The following DLGAP2 variants were observed in gnomAD, a reference collection of about 807,000 sequenced individuals.
The protein encoded by DLGAP2 is disks large-associated protein 2.
A neutral mutation model predicts 100.3 loss-of-function variants in DLGAP2; 26 were observed. The ratio of observed to expected loss-of-function variants is 0.26; its 90% CI spans 0.19 to 0.36. The LOEUF (loss-of-function observed/expected upper bound fraction) is 0.36. DLGAP2 is among the 10% of genes least tolerant of loss of function. The pLI, the probability that DLGAP2 is intolerant of heterozygous loss-of-function variation, is 1.00. For missense variants in DLGAP2, 1,858 were observed against 1,453.2 expected (o/e 1.28, Z -4.53); for synonymous variants, 886 against 630.1 (o/e 1.41, Z -6.08).
chr8:1,474,343 G>A (rs557503252), intron 3 of DLGAP2, among the ~76,000 whole-genome samples: 11 of 152,280 alleles, frequency 7.2e-5, no homozygotes, highest in South Asian at 4.1e-4. Context: ...CTATAAACAC[G>A]TGTGTGCAAG....
intron 7 of DLGAP2, among the ~76,000 whole-genome samples, chr8:1,627,564 T>TTTA (rs1434291563): frequency 6.6e-6 from 1 of 152,238 alleles, no homozygotes; most frequent in Non-Finnish European, 1.5e-5. Context: ...GAATCGAAAG[T>TTTA]TTATCATTTT....
intron 1 of DLGAP2, among the ~76,000 whole-genome samples, chr8:810,592 T>A (rs536539843): frequency 3.3e-5 from 5 of 152,380 alleles, no homozygotes; most frequent in African/African-American, 7.2e-5. Flanking sequence ...GCAATTTTTT[T>A]AACCATTGTT....
chr8:1,315,713 A>C (rs372645559), intron 3 of DLGAP2, among the ~76,000 whole-genome samples: 5 of 18,292 alleles, frequency 2.7e-4, no homozygotes, highest in African/African-American at 4.4e-4. Context: ...TAGAGCCTGT[A>C]CGAGTGCAGC....
Position 1,549,005 on chromosome 8 carries a change from G to A in DLGAP2, c.552G>A (p.Lys184=), listed in dbSNP as rs778907347. Residue 184 remains lysine, a synonymous_variant, in exon 5 of 15, where the codon AAG becomes AAA. Coordinates refer to ENST00000637795, the MANE Select transcript of DLGAP2 (RefSeq NM_001346810.2). ...GCGCTGTGGCCCACGCGGGCGCCAAGATCAACCGCATCCCGGCCAACCTGC... is the reference window on the plus strand; with the variant it reads ...GCGCTGTGGCCCACGCGGGCGCCAAAATCAACCGCATCCCGGCCAACCTGC... The part of the protein sequence containing the change: ...DDCAVAHAGA[K]INRIPANLLD... 6.3e-7 allele frequency: 1 copy of A among 1,598,988 alleles called. No homozygotes were observed. The highest frequency in any genetic ancestry group is 8.5e-7 in the Non-Finnish European group (1 of 1,178,660).
chr8:999,558 A>T (rs1317875131), intron 2 of DLGAP2, among the ~76,000 whole-genome samples: 1 of 150,938 alleles, frequency 6.6e-6, no homozygotes, highest in African/African-American at 2.4e-5. Flanking sequence ...GGCTCACTGC[A>T]AACTCCACCT....
At chr8:1,083,119 G>A (rs534068382) in intron 2 of DLGAP2, among the ~76,000 whole-genome samples, 1 of 152,286 alleles carries the variant, frequency 6.6e-6, no homozygotes, top group Admixed American at 6.5e-5. Flanking sequence ...GTGTGAGAGA[G>A]GAGTATTTTT....
At chr8:778,718 A>G (rs982856417) in intron 1 of DLGAP2, among the ~76,000 whole-genome samples, 46 of 152,200 alleles carry the variant, frequency 3.0e-4, no homozygotes, top group Admixed American at 2.3e-3. Context: ...CCAGCTGCGT[A>G]CTGGGAGAAC....
At chr8:963,681 G>A (rs914011008) in intron 2 of DLGAP2, among the ~76,000 whole-genome samples, 24 of 142,300 alleles carry the variant, frequency 1.7e-4, no homozygotes, top group African/African-American at 4.4e-4. Context: ...GCTCTGCCTC[G>A]GTGAATTTTA....
intron 3 of DLGAP2, among the ~76,000 whole-genome samples, chr8:1,415,024 A>T (rs1484889412): frequency 6.6e-6 from 1 of 151,632 alleles, no homozygotes; most frequent in Non-Finnish European, 1.5e-5. Context: ...AAAAAAAAAG[A>T]AGAAAAAAAA....
intron 1 of DLGAP2, among the ~76,000 whole-genome samples, chr8:776,683 C>G (rs1020993587): frequency 2.6e-5 from 4 of 152,248 alleles, no homozygotes; most frequent in South Asian, 2.1e-4. Flanking sequence ...TTAATCCTGA[C>G]TTCTAGTTTG....
At chr8:1,269,618 G>A (rs889574219) in intron 3 of DLGAP2, among the ~76,000 whole-genome samples, 5 of 152,068 alleles carry the variant, frequency 3.3e-5, no homozygotes, top group Non-Finnish European at 7.4e-5. Context: ...TACCCATTAC[G>A]AAGGAGTGAA....
chr8:1,379,063 C>A (rs1796030379), intron 3 of DLGAP2, among the ~76,000 whole-genome samples: 2 of 152,216 alleles, frequency 1.3e-5, no homozygotes, highest in Non-Finnish European at 1.5e-5. Context: ...AATTTCTTTC[C>A]CAAAAAGGCT....
intron 6 of DLGAP2, among the ~76,000 whole-genome samples, chr8:1,605,477 G>A (rs1158777614): frequency 6.6e-6 from 1 of 152,188 alleles, no homozygotes; most frequent in Non-Finnish European, 1.5e-5. Context: ...TGGTGAATGC[G>A]TGAATCCAGG....
At chr8:980,459 T>A (rs1382647362) in intron 2 of DLGAP2, among the ~76,000 whole-genome samples, 2 of 152,232 alleles carry the variant, frequency 1.3e-5, no homozygotes, top group East Asian at 3.9e-4. Flanking sequence ...GAGCCAAGTT[T>A]CCATTTCCTG....
intron 1 of DLGAP2, among the ~76,000 whole-genome samples, chr8:881,490 A>ATC (rs200575861): frequency 1.1e-5 from 1 of 93,394 alleles, no homozygotes; most frequent in Non-Finnish European, 2.2e-5. Context: ...TTACCATTTC[A>ATC]TCTCTCTTTT....
At chr8:877,506 G>T (rs1030350913) in intron 1 of DLGAP2, among the ~76,000 whole-genome samples, 3 of 152,198 alleles carry the variant, frequency 2.0e-5, no homozygotes, top group African/African-American at 7.2e-5. Flanking sequence ...GCTATTAAAC[G>T]CCACTAATTG....
At chr8:979,794 G>A (rs35044209) in intron 2 of DLGAP2, among the ~76,000 whole-genome samples, 22,384 of 152,264 alleles carry the variant, frequency 0.15, 1,888 homozygotes, top group Middle Eastern at 0.23. Flanking sequence ...AGATGTAACA[G>A]TTTTGTCACA....
At position 1,286,173 on chromosome 8, in the gene DLGAP2, T is replaced by C. The variant is rs188257745; in HGVS notation, c.106+27290T>C. Among the ~76,000 whole-genome samples the C allele has an allele frequency of 7.9e-5, 12 of 152,322 alleles. No individual in the cohort carries two copies. In the East Asian group the frequency reaches 9.7e-4, roughly 12 times the overall value. On this transcript the variant is annotated intron_variant, in intron 3 of 14. Coordinates refer to ENST00000637795, the MANE Select transcript of DLGAP2 (RefSeq NM_001346810.2). ...GATAGTGAGTTCTCACAAGATGTGA[T>C]GGTTTTATAAGGGGCGTCCCCCTTT...
At chr8:1,167,315 G>A (rs966474528) in intron 2 of DLGAP2, among the ~76,000 whole-genome samples, 7 of 152,252 alleles carry the variant, frequency 4.6e-5, no homozygotes, top group Non-Finnish European at 1.0e-4. Flanking sequence ...AGAAGTAATT[G>A]GCTTTCTCGA....
Sources: gnomAD v4.1 joint callset for allele counts (sites outside exome capture counted in the v4.1 genomes callset) on GRCh38, gnomAD v4.1.1 for gene constraint, MANE v1.5 for transcripts, NCBI Gene and HGNC (gene_info 2026-07-23, HGNC 2026-07-21) for gene names.